Variants in ANKRD30B observed in about 807,000 individuals in gnomAD.
ANKRD30B encodes ankyrin repeat domain 30B, also known as ankyrin repeat domain-containing protein 30B.
ANKRD30B carries 144 observed loss-of-function variants against 202.2 expected under a neutral mutation model. The observed-to-expected ratio is 0.71, with a 90% CI of 0.62 to 0.82. ANKRD30B has a LOEUF of 0.82. Ranked by LOEUF, ANKRD30B falls within the 40% of genes least tolerant of loss-of-function variation. The pLI, the probability that ANKRD30B is intolerant of heterozygous loss-of-function variation, is 0.00. For missense variants in ANKRD30B, 1,487 were observed against 1,669.1 expected, an observed-to-expected ratio of 0.89 and a Z score of 1.90; for synonymous variants, 508 against 561.3, an observed-to-expected ratio of 0.91 and a Z score of 1.34.
intron 7 of ANKRD30B, among the ~76,000 whole-genome samples, chr18:14,764,462 C>T (rs1298815020): frequency 2.0e-5 from 3 of 152,068 alleles, no homozygotes; most frequent in Non-Finnish European, 4.4e-5. Flanking sequence ...CGAGCGATCT[C>T]GGCTCACTGC....
At chr18:14,931,755 C>T in the ANKRD30B span, among the ~76,000 whole-genome samples, 27 of 152,244 alleles carry the variant, frequency 1.8e-4, no homozygotes, top group Middle Eastern at 3.4e-3. Flanking sequence ...TCAGAATTCA[C>T]GTTCCACACC....
chr18:14,762,408 G>A (rs1037032550), intron 6 of ANKRD30B, among the ~76,000 whole-genome samples: 1 of 152,130 alleles, frequency 6.6e-6, no homozygotes, highest in African/African-American at 2.4e-5. Flanking sequence ...GTACCAATAG[G>A]AGATTATCTT....
chr18:14,773,045 A>G (rs1413177309), intron 9 of ANKRD30B, among the ~76,000 whole-genome samples: 2 of 152,190 alleles, frequency 1.3e-5, no homozygotes, highest in Non-Finnish European at 2.9e-5. Context: ...TAAGTTTTTC[A>G]TTAAAAGTAT....
At chr18:14,935,332 G>T in the ANKRD30B span, among the ~76,000 whole-genome samples, 1 of 152,208 alleles carries the variant, frequency 6.6e-6, no homozygotes. Context: ...TCACAACCAA[G>T]TTAACCTGGA....
At chr18:14,803,557 G>A in intron 23 of ANKRD30B, 177 bp from the exon 24 acceptor site, 1 of 633,830 alleles carries the variant, frequency 1.6e-6, no homozygotes, top group Non-Finnish European at 3.0e-6. Flanking sequence ...TGTGGAGAGT[G>A]TTATGTGAGG....
In ANKRD30B at chr18:14,748,180, C is replaced by T. The variant is rs557651747; in HGVS notation, c.-240C>T. 13 of 402,232 alleles carry T rather than the reference C, an allele frequency of 3.2e-5. 1 individual carries two copies. The South Asian group carries it at 6.4e-4, about 20-fold the overall frequency. 24.9% of individuals were successfully genotyped at this position (402,232 alleles called of 1,614,324 possible). Reference sequence around the variant, plus strand: ...GCGCGTGAGCTGCTGCTGTAACGCTCTAACGTTAGAGCAGCTAACGGCTCT... The same window carrying T: ...GCGCGTGAGCTGCTGCTGTAACGCTTTAACGTTAGAGCAGCTAACGGCTCT... On this transcript the variant is annotated 5_prime_UTR_variant, in exon 1 of 44. Coordinates refer to ENST00000690538, the MANE Select transcript of ANKRD30B (RefSeq NM_001367607.2).
the ANKRD30B span, among the ~76,000 whole-genome samples, chr18:14,925,261 GCC>G: frequency 6.6e-6 from 1 of 152,166 alleles, no homozygotes; most frequent in African/African-American, 2.4e-5. Context: ...CACTGAGCTG[GCC>G]TGAACTTCTG....
chr18:14,853,265 A>G (rs1156330231), intron 42 of ANKRD30B, among the ~76,000 whole-genome samples: 1 of 152,088 alleles, frequency 6.6e-6, no homozygotes, highest in African/African-American at 2.4e-5. Context: ...CCATTTTTCA[A>G]TTCATAAGGG....
At chr18:14,782,081 A>G (rs987836996) in intron 11 of ANKRD30B, among the ~76,000 whole-genome samples, 3 of 152,222 alleles carry the variant, frequency 2.0e-5, no homozygotes, top group Non-Finnish European at 4.4e-5. Context: ...CGGCCTTCGA[A>G]GAAGTTTTGT....
chr18:14,782,648 AC>A, intron 12 of ANKRD30B, 34 bp downstream of exon 12: 1 of 1,433,672 alleles, frequency 7.0e-7, no homozygotes, highest in Non-Finnish European at 9.5e-7. Context: ...AAGTCTTTTA[AC>A]CATATGTTTG....
In ANKRD30B at chr18:14,811,526, C is replaced by G. The variant is rs200098817; in HGVS notation, c.2488+1346C>G. Among the ~76,000 whole-genome samples, 441 of 149,026 alleles carry G rather than the reference C, an allele frequency of 3.0e-3. 5 individuals are homozygous for G. The highest frequency in any genetic ancestry group is 9.8e-3 in the African/African-American group (394 of 40,120). On this transcript the variant is annotated intron_variant, in intron 28 of 43. Coordinates refer to ENST00000690538, the MANE Select transcript of ANKRD30B (RefSeq NM_001367607.2). Reference sequence around the variant, plus strand: ...GCGCCCGGCCCAGAGTCTTTTTACACTAGTACCATTTATTGCCTAGAAGTA... The same window carrying G: ...GCGCCCGGCCCAGAGTCTTTTTACAGTAGTACCATTTATTGCCTAGAAGTA...
the ANKRD30B span, among the ~76,000 whole-genome samples, chr18:14,890,305 T>C: frequency 8.5e-5 from 13 of 152,106 alleles, no homozygotes; most frequent in African/African-American, 3.1e-4. Flanking sequence ...GTTTTTTATT[T>C]TGTAGAAAAT....
intron 8 of ANKRD30B, among the ~76,000 whole-genome samples, chr18:14,771,641 T>A (rs1047477854): frequency 6.6e-6 from 1 of 152,176 alleles, no homozygotes; most frequent in Non-Finnish European, 1.5e-5. Flanking sequence ...CCTTCTTAAG[T>A]GGCTTTTATG....
At chr18:14,797,040 T>G (rs1460186422) in intron 18 of ANKRD30B, among the ~76,000 whole-genome samples, 1 of 152,148 alleles carries the variant, frequency 6.6e-6, no homozygotes, top group African/African-American at 2.4e-5. Context: ...GCAGTAACAG[T>G]TGCAGCAAAA....
In ANKRD30B at chr18:14,784,322, C is replaced by T; in HGVS notation, c.1571-14C>T. On this transcript the variant is annotated splice_polypyrimidine_tract_variant and intron_variant, in intron 12 of 43. Transcript: ENST00000690538. ...TTTACTTATGATTGATGATAAATCT[C>T]TTTTGCATTTTAGAGCTTCCTGAGA... 1 of 1,610,950 alleles carries T rather than the reference C, an allele frequency of 6.2e-7. No homozygotes were observed. Among genetic ancestry groups the T allele is most frequent in the Non-Finnish European group, 8.5e-7 (1 of 1,178,116 alleles).
At chr18:14,878,799 C>G in the ANKRD30B span, among the ~76,000 whole-genome samples, 2 of 152,128 alleles carry the variant, frequency 1.3e-5, no homozygotes, top group African/African-American at 4.8e-5. Context: ...CAGTGTTAGG[C>G]GTGGAGCTTT....
chr18:14,893,608 T>C, the ANKRD30B span, among the ~76,000 whole-genome samples: 1 of 146,518 alleles, frequency 6.8e-6, no homozygotes, highest in Non-Finnish European at 1.5e-5. Context: ...CTAGACTCCA[T>C]CTCACAAAAA....
intron 9 of ANKRD30B, among the ~76,000 whole-genome samples, chr18:14,776,393 T>C (rs545001428): frequency 6.6e-6 from 1 of 152,342 alleles, no homozygotes; most frequent in Admixed American, 6.5e-5. Flanking sequence ...ATAATTAGCA[T>C]GCGTATGGGA....
chr18:14,751,685 T>G lies in ANKRD30B; in HGVS notation c.222-881T>G, dbSNP rs565635095. ...AGGGAATAAAATGAGCCATACCTAT[T>G]TATTTGAAACCAAAGTTTTCTTTGG... On this transcript the variant is annotated intron_variant, in intron 1 of 43. Coordinates refer to ENST00000690538, the MANE Select transcript of ANKRD30B (RefSeq NM_001367607.2). Among the ~76,000 whole-genome samples, 8 of 152,288 alleles carry G rather than the reference T, an allele frequency of 5.3e-5. No individual in the cohort carries two copies. In the South Asian group the frequency reaches 1.7e-3, roughly 32 times the overall value.
Sources: allele counts gnomAD v4.1 joint callset (sites outside exome capture counted in the v4.1 genomes callset), GRCh38; gene constraint gnomAD v4.1.1; transcripts MANE v1.5; gene names NCBI Gene and HGNC (gene_info 2026-07-23, HGNC 2026-07-21).